Variants in RBFOX1 observed in about 807,000 individuals in gnomAD.
The protein encoded by RBFOX1 is RNA binding fox-1 homolog 1.
RBFOX1 carries 8 observed loss-of-function variants against 57.7 expected under a neutral mutation model. The observed-to-expected ratio is 0.14, with a 90% CI of 0.08 to 0.25. The LOEUF is 0.25. Among genes scored for constraint, RBFOX1 ranks in the 10% least tolerant of loss-of-function variants. The probability of loss-of-function intolerance (pLI) is 1.00; values close to 1 mark genes in which losing one functional copy is unlikely to be tolerated. For synonymous variants in RBFOX1, 326 were observed against 222.4 expected, an observed-to-expected ratio of 1.47 and a Z score of -4.15; for missense variants, 611 against 548.5, an observed-to-expected ratio of 1.11 and a Z score of -1.14.
chr16:6,954,983 T>C (rs1395009340), intron 3 of RBFOX1, among the ~76,000 whole-genome samples: 1 of 151,186 alleles, frequency 6.6e-6, no homozygotes, highest in Non-Finnish European at 1.5e-5. Flanking sequence ...ATAATCTGAG[T>C]ACTTTGGGAG....
chr16:5,696,600 G>A (rs1281525561), intron 3 of RBFOX1, among the ~76,000 whole-genome samples: 1 of 152,130 alleles, frequency 6.6e-6, no homozygotes, highest in Non-Finnish European at 1.5e-5. Flanking sequence ...TCTTTACTAT[G>A]CATAGTCCTT....
chr16:6,112,768 G>T (rs996092945), intron 1 of RBFOX1, among the ~76,000 whole-genome samples: 1 of 152,196 alleles, frequency 6.6e-6, no homozygotes, highest in East Asian at 1.9e-4. Context: ...TTGATATAAA[G>T]AAGGGACATG....
chr16:5,965,413 A>G (rs1485561700), intron 4 of RBFOX1, among the ~76,000 whole-genome samples: 4 of 152,190 alleles, frequency 2.6e-5, no homozygotes, highest in Non-Finnish European at 1.5e-5. Context: ...TACATCTTAA[A>G]TATATACGAT....
At chr16:6,368,439 C>G (rs897841867) in intron 2 of RBFOX1, among the ~76,000 whole-genome samples, 3 of 152,166 alleles carry the variant, frequency 2.0e-5, no homozygotes, top group Non-Finnish European at 1.5e-5. Context: ...GGTTTTATGT[C>G]CTGTGATTAC....
downstream of RBFOX1, chr16:5,601,114 C>G (rs1391348189): frequency 6.6e-6 from 1 of 152,194 alleles, no homozygotes; most frequent in Admixed American, 6.5e-5. Flanking sequence ...GTCTCTTGCC[C>G]GTGACAGTTA....
chr16:6,947,497 T>C (rs1482739633), intron 3 of RBFOX1, among the ~76,000 whole-genome samples: 2 of 152,150 alleles, frequency 1.3e-5, no homozygotes, highest in African/African-American at 4.8e-5. Flanking sequence ...AGGAACACCC[T>C]GAAATAGAGC....
chr16:7,031,712 A>C (rs745999410), intron 3 of RBFOX1, among the ~76,000 whole-genome samples: 1 of 152,152 alleles, frequency 6.6e-6, no homozygotes, highest in African/African-American at 2.4e-5. Flanking sequence ...AATGCTACCT[A>C]TTGTGATTTT....
chr16:6,895,488 T>TATATATATATATA (rs1567761887), intron 3 of RBFOX1, among the ~76,000 whole-genome samples: 6 of 65,686 alleles, frequency 9.1e-5, no homozygotes, highest in South Asian at 6.6e-4. Context: ...ATATATATAT[T>TATATATATATATA]TATTCCCCTA....
intron 13 of RBFOX1, among the ~76,000 whole-genome samples, chr16:7,673,156 A>G (rs569077086): frequency 6.6e-6 from 1 of 152,198 alleles, no homozygotes; most frequent in Non-Finnish European, 1.5e-5. Flanking sequence ...CCTAGCACAC[A>G]CAGGTTTCCC....
At chr16:6,687,866 G>C (rs569915725) in intron 3 of RBFOX1, among the ~76,000 whole-genome samples, 3 of 152,256 alleles carry the variant, frequency 2.0e-5, no homozygotes, top group African/African-American at 7.2e-5. Flanking sequence ...TGCTCAGGAA[G>C]CACAAAATGA....
At chr16:7,070,506 T>C (rs1205598224) in intron 4 of RBFOX1, among the ~76,000 whole-genome samples, 1 of 152,222 alleles carries the variant, frequency 6.6e-6, no homozygotes, top group African/African-American at 2.4e-5. Context: ...TGATTGCATA[T>C]GTGTCTTGAC....
intron 2 of RBFOX1, among the ~76,000 whole-genome samples, chr16:6,579,579 CT>C (rs2097503154): frequency 6.6e-6 from 1 of 152,136 alleles, no homozygotes; most frequent in Non-Finnish European, 1.5e-5. Context: ...TTCCTTGCTG[CT>C]GCCATGTGAA....
chr16:6,795,694 A>G lies in RBFOX1; in HGVS notation c.-16+141044A>G, dbSNP rs900285146. On this transcript the variant is annotated intron_variant, in intron 3 of 15. Transcript: ENST00000550418. The stretch of plus-strand genomic sequence containing the variant: ...GGCAGGAGAATCGCTTGAAACCAGA[A>G]GGCAGAGGTTGCAGTTAGCCAATGT... Among the ~76,000 whole-genome samples the G allele has an allele frequency of 2.6e-4, 39 of 151,980 alleles. 2 individuals carry two copies.
chr16:5,728,012 C>T (rs997277459), intron 3 of RBFOX1, among the ~76,000 whole-genome samples: 1 of 152,200 alleles, frequency 6.6e-6, no homozygotes, highest in Non-Finnish European at 1.5e-5. Context: ...TATCAGTTCA[C>T]TTCTTTAGAT....
intron 4 of RBFOX1, among the ~76,000 whole-genome samples, chr16:7,313,857 C>T (rs4411517): frequency 0.77 from 116,364 of 152,036 alleles, 44,648 homozygotes; most frequent in East Asian, 0.94. Context: ...ATCCCTATGT[C>T]CTCCTCCTCA....
chr16:6,179,523 C>T (rs1248699941), intron 1 of RBFOX1, among the ~76,000 whole-genome samples: 1 of 152,150 alleles, frequency 6.6e-6, no homozygotes, highest in African/African-American at 2.4e-5. Flanking sequence ...CCTCATCTCA[C>T]AGTCTGAAGT....
At chr16:6,726,872 A>G (rs933067414) in intron 3 of RBFOX1, among the ~76,000 whole-genome samples, 2 of 152,060 alleles carry the variant, frequency 1.3e-5, no homozygotes, top group African/African-American at 4.8e-5. Context: ...TGGCTTGGGA[A>G]TTATTATTGG....
chr16:7,332,940 T>A, intron 4 of RBFOX1: 1 of 1,610,592 alleles, frequency 6.2e-7, no homozygotes, highest in Non-Finnish European at 8.5e-7. Context: ...GGTCTATAGA[T>A]TTCCCCCTAA....
chr16:7,698,186 GTGTGT>G lies in RBFOX1; in HGVS notation c.996-10869_996-10865del, dbSNP rs1568529606. 9.1e-3 allele frequency among the ~76,000 whole-genome samples: 939 copies of G among 103,324 alleles called. 11 individuals carry two copies. Among genetic ancestry groups the G allele is most frequent in the East Asian group, 0.029 (111 of 3,804 alleles). 67.8% of individuals were successfully genotyped at this position (103,324 alleles called of 152,430 possible). A position where few individuals can be genotyped will look rare whatever the true frequency, so the allele number is the denominator to read the frequency against. On this transcript the variant is annotated intron_variant, in intron 14 of 15. Coordinates refer to ENST00000550418, the MANE Select transcript of RBFOX1 (RefSeq NM_018723.4). ...TTTTAGACACAGAGTCCAAGAGGGT[GTGTGT>G]GTGTGTGTGTGTGTGTGTGTGTGTA...
Sources: allele counts gnomAD v4.1 joint callset (sites outside exome capture counted in the v4.1 genomes callset), GRCh38; gene constraint gnomAD v4.1.1; transcripts MANE v1.5; gene names NCBI Gene and HGNC (gene_info 2026-07-23, HGNC 2026-07-21).